PPM1E: variants seen among roughly 807,000 people sequenced by gnomAD.
The protein encoded by PPM1E is protein phosphatase, Mg2+/Mn2+ dependent 1E.
A neutral mutation model predicts 65.9 loss-of-function variants in PPM1E; 20 were observed. That is an observed-to-expected ratio of 0.30 (90% CI 0.21 to 0.44). PPM1E has a LOEUF of 0.44. PPM1E is among the 20% of genes least tolerant of loss of function. The probability of loss-of-function intolerance (pLI) is 1.00; values close to 1 mark genes in which losing one functional copy is unlikely to be tolerated. For synonymous variants in PPM1E, 352 were observed against 374.9 expected, an observed-to-expected ratio of 0.94 and a Z score of 0.70; for missense variants, 713 against 953.1, an observed-to-expected ratio of 0.75 and a Z score of 3.32.
intron 1 of PPM1E, among the ~76,000 whole-genome samples, chr17:58,858,662 T>G (rs994624706): frequency 6.6e-6 from 1 of 152,218 alleles, no homozygotes; most frequent in Non-Finnish European, 1.5e-5. Flanking sequence ...TTTTTCAGGC[T>G]GAATAGTATC....
chr17:58,782,568 AT>A (rs75113458), intron 1 of PPM1E, among the ~76,000 whole-genome samples: 513 of 141,262 alleles, frequency 3.6e-3, no homozygotes, highest in African/African-American at 6.3e-3. Flanking sequence ...CGCCTGGCTA[AT>A]TTTTTTTTTT....
intron 1 of PPM1E, among the ~76,000 whole-genome samples, chr17:58,912,140 G>C (rs1022577752): frequency 6.6e-6 from 1 of 152,156 alleles, no homozygotes; most frequent in African/African-American, 2.4e-5. Flanking sequence ...AAGGGAGGGA[G>C]GGGGTAGGAG....
chr17:58,907,070 A>G (rs1296663737), intron 1 of PPM1E, among the ~76,000 whole-genome samples: 2 of 152,130 alleles, frequency 1.3e-5, no homozygotes, highest in African/African-American at 2.4e-5. Context: ...CCCCGTGTCT[A>G]CTAAAAATAC....
intron 1 of PPM1E, among the ~76,000 whole-genome samples, chr17:58,766,262 C>G (rs1314673606): frequency 7.4e-6 from 1 of 134,998 alleles, no homozygotes; most frequent in Admixed American, 8.8e-5. Flanking sequence ...AGTGCAGTGG[C>G]ACGATCTCGG....
intron 2 of PPM1E, among the ~76,000 whole-genome samples, chr17:58,958,121 AC>A (rs1293183807): frequency 1.3e-5 from 2 of 152,306 alleles, no homozygotes; most frequent in South Asian, 2.1e-4. Flanking sequence ...ACAGAGCGAG[AC>A]CCTGTCTCAA....
chr17:58,770,085 C>A (rs1470745448), intron 1 of PPM1E, among the ~76,000 whole-genome samples: 1 of 151,974 alleles, frequency 6.6e-6, no homozygotes, highest in Non-Finnish European at 1.5e-5. Context: ...AAAACATTAT[C>A]ACTTGTATTC....
intron 1 of PPM1E, among the ~76,000 whole-genome samples, chr17:58,824,899 C>T (rs1243244816): frequency 1.3e-5 from 2 of 151,800 alleles, no homozygotes; most frequent in Non-Finnish European, 2.9e-5. Context: ...TGAGCCACTG[C>T]GCCCAGCCTG....
intron 1 of PPM1E, among the ~76,000 whole-genome samples, chr17:58,823,213 G>GT (rs2050498280): frequency 6.6e-6 from 1 of 152,112 alleles, no homozygotes; most frequent in Admixed American, 6.5e-5. Flanking sequence ...ATTGTTTCTA[G>GT]TTTAAGAGAG....
intron 1 of PPM1E, among the ~76,000 whole-genome samples, chr17:58,833,474 G>A (rs1166273554): frequency 6.6e-6 from 1 of 151,724 alleles, no homozygotes; most frequent in Non-Finnish European, 1.5e-5. Flanking sequence ...GTGAGAACAT[G>A]TGGTATTTGG....
At chr17:58,793,359 ATTATTT>A (rs761830829) in intron 1 of PPM1E, among the ~76,000 whole-genome samples, 1 of 151,250 alleles carries the variant, frequency 6.6e-6, no homozygotes. Context: ...TATTATTATT[ATTATTT>A]TTTTTTTTGA....
In PPM1E at chr17:58,951,943, A is replaced by G. The variant is rs139702701; in HGVS notation, c.465-3706A>G. On this transcript the variant is annotated intron_variant, in intron 1 of 6. Transcript: ENST00000308249. ...AATTTTTCACATTTGATGTGTCCCTATGTTGATTTCTACACATCTGGTGGA... is the reference window on the plus strand; with the variant it reads ...AATTTTTCACATTTGATGTGTCCCTGTGTTGATTTCTACACATCTGGTGGA... Among the ~76,000 whole-genome samples, 76 of 152,186 alleles carry G rather than the reference A, an allele frequency of 5.0e-4. No individual in the cohort carries two copies. The East Asian group carries it at 0.012, about 24-fold the overall frequency.
intron 1 of PPM1E, among the ~76,000 whole-genome samples, chr17:58,951,839 T>C (rs1322956712): frequency 6.6e-6 from 1 of 152,230 alleles, no homozygotes; most frequent in East Asian, 1.9e-4. Flanking sequence ...ATTCTTTTTC[T>C]GGCATTTTAT....
At chr17:58,879,754 C>T (rs2063550844) in intron 1 of PPM1E, among the ~76,000 whole-genome samples, 1 of 151,986 alleles carries the variant, frequency 6.6e-6, no homozygotes, top group Non-Finnish European at 1.5e-5. Context: ...CGTGATCCAC[C>T]CGCCTCGGCC....
chr17:58,940,488 G>T (rs966232802), intron 1 of PPM1E, among the ~76,000 whole-genome samples: 1 of 152,142 alleles, frequency 6.6e-6, no homozygotes, highest in African/African-American at 2.4e-5. Context: ...TTTTCATTCT[G>T]TCTGACAAAA....
At chr17:58,830,997 A>C (rs924092890) in intron 1 of PPM1E, among the ~76,000 whole-genome samples, 1 of 135,810 alleles carries the variant, frequency 7.4e-6, no homozygotes, top group Non-Finnish European at 1.6e-5. Flanking sequence ...TATGTGACTT[A>C]CTTTATCTTT....
intron 1 of PPM1E, among the ~76,000 whole-genome samples, chr17:58,821,539 GAAT>G (rs2050479989): frequency 6.6e-6 from 1 of 152,156 alleles, no homozygotes; most frequent in African/African-American, 2.4e-5. Context: ...TCAGAGATCA[GAAT>G]AATGACACAT....
At chr17:58,955,593 A>G in intron 1 of PPM1E, 56 bp from the exon 2 acceptor site, 7 of 1,568,740 alleles carry the variant, frequency 4.5e-6, no homozygotes, top group Non-Finnish European at 6.1e-6. Flanking sequence ...ATAACGTTAA[A>G]TGTATTACTT....
chr17:58,935,927 C>T (rs923952809), intron 1 of PPM1E, among the ~76,000 whole-genome samples: 1 of 151,514 alleles, frequency 6.6e-6, no homozygotes, highest in Non-Finnish European at 1.5e-5. Context: ...CCCATTAACT[C>T]GTCATTTAGC....
At chr17:58,831,602 G>A (rs554069045) in intron 1 of PPM1E, among the ~76,000 whole-genome samples, 4 of 152,264 alleles carry the variant, frequency 2.6e-5, no homozygotes, top group South Asian at 2.1e-4. Flanking sequence ...GAATTGCAAC[G>A]TTTCCAACAC....
Sources: allele counts gnomAD v4.1 joint callset (sites outside exome capture counted in the v4.1 genomes callset), GRCh38; gene constraint gnomAD v4.1.1; transcripts MANE v1.5; gene names NCBI Gene and HGNC (gene_info 2026-07-23, HGNC 2026-07-21).